The following SLC44A1 variants were observed in gnomAD, a reference collection of about 807,000 sequenced individuals.
The protein encoded by SLC44A1 is solute carrier family 44 member 1, also known as choline transporter-like protein 1.
A neutral mutation model predicts 79.3 loss-of-function variants in SLC44A1; 26 were observed. The ratio of observed to expected loss-of-function variants is 0.33; its 90% CI spans 0.24 to 0.46. The LOEUF (loss-of-function observed/expected upper bound fraction) is 0.46, where lower values mean the gene tolerates loss of function less well. Among genes scored for constraint, SLC44A1 ranks in the 20% least tolerant of loss-of-function variants. The pLI is 1.00. For synonymous variants in SLC44A1, 263 were observed against 286.2 expected (o/e 0.92, Z 0.82); for missense variants, 688 against 798.1 (o/e 0.86, Z 1.66).
chr9:105,423,769 G>C (rs1465161007), intron 15 of SLC44A1, among the ~76,000 whole-genome samples: 1 of 152,134 alleles, frequency 6.6e-6, no homozygotes, highest in Non-Finnish European at 1.5e-5. Context: ...GTCATTTTGA[G>C]TCTTGCCATT....
At chr9:105,373,602 G>A (rs1828182566) in intron 12 of SLC44A1, among the ~76,000 whole-genome samples, 1 of 152,028 alleles carries the variant, frequency 6.6e-6, no homozygotes. Flanking sequence ...GGGATTCTTA[G>A]CAATTTATTA....
At chr9:105,303,092 C>T (rs1404049497) in intron 2 of SLC44A1, among the ~76,000 whole-genome samples, 1 of 152,172 alleles carries the variant, frequency 6.6e-6, no homozygotes, top group Non-Finnish European at 1.5e-5. Flanking sequence ...ATAGGTTTCT[C>T]AGCTCAAATC....
chr9:105,400,487 C>A (rs199799421), downstream of SLC44A1, among the ~76,000 whole-genome samples: 23 of 148,754 alleles, frequency 1.5e-4, no homozygotes, highest in Admixed American at 3.3e-4. Context: ...GACGCCATCT[C>A]AAAAAAAGAA....
At chr9:105,328,059 T>C (rs988135048) in intron 3 of SLC44A1, among the ~76,000 whole-genome samples, 57 of 152,314 alleles carry the variant, frequency 3.7e-4, no homozygotes, top group African/African-American at 1.3e-3. Context: ...TTACCTTCAC[T>C]CCCCTCTGGC....
intron 1 of SLC44A1, among the ~76,000 whole-genome samples, chr9:105,295,736 G>A (rs531462645): frequency 6.6e-6 from 1 of 152,216 alleles, no homozygotes; most frequent in South Asian, 2.1e-4. Context: ...AATAGGCTTT[G>A]GAGTCACAGA....
chr9:105,287,689 T>A, intron 1 of SLC44A1, among the ~76,000 whole-genome samples: 1 of 138,230 alleles, frequency 7.2e-6, no homozygotes, highest in African/African-American at 3.4e-5. Context: ...TCAGTTCAGC[T>A]GATCATCTAC....
intron 15 of SLC44A1, among the ~76,000 whole-genome samples, chr9:105,428,536 GCC>G (rs1481677105): frequency 6.6e-6 from 1 of 152,188 alleles, no homozygotes; most frequent in Non-Finnish European, 1.5e-5. Context: ...AAGTTACTTA[GCC>G]CATCTAATTC....
intron 15 of SLC44A1, among the ~76,000 whole-genome samples, chr9:105,417,109 C>T (rs933784081): frequency 6.6e-6 from 1 of 152,208 alleles, no homozygotes; most frequent in African/African-American, 2.4e-5. Flanking sequence ...GCCTCCTCTC[C>T]TTGTCCTAAC....
chr9:105,433,113 T>C (rs1829418872), intron 15 of SLC44A1, among the ~76,000 whole-genome samples: 1 of 152,038 alleles, frequency 6.6e-6, no homozygotes, highest in Admixed American at 6.6e-5. Context: ...CTGGCCAACA[T>C]GGAGAAACCC....
chr9:105,416,545 A>G (rs924409403), intron 15 of SLC44A1, among the ~76,000 whole-genome samples: 6 of 152,192 alleles, frequency 3.9e-5, no homozygotes, highest in Non-Finnish European at 8.8e-5. Context: ...TGATCTTCCA[A>G]ATCCTCCACA....
chr9:105,364,463 T>C, intron 9 of SLC44A1, 92 bp from the exon 10 acceptor site: 1 of 990,588 alleles, frequency 1.0e-6, no homozygotes, highest in Non-Finnish European at 1.5e-6. Context: ...GTTTGTGGCT[T>C]GGGGTAGGGA....
intron 3 of SLC44A1, among the ~76,000 whole-genome samples, chr9:105,315,877 C>A (rs1041970248): frequency 6.6e-6 from 1 of 152,152 alleles, no homozygotes; most frequent in Non-Finnish European, 1.5e-5. Flanking sequence ...AATCATATTG[C>A]TGTTTACTGA....
At chr9:105,379,665 G>A (rs1297258121) in intron 13 of SLC44A1, among the ~76,000 whole-genome samples, 1 of 152,154 alleles carries the variant, frequency 6.6e-6, no homozygotes, top group Non-Finnish European at 1.5e-5. Context: ...AATTAGATTT[G>A]TAAGGGACCT....
In SLC44A1 at chr9:105,250,872, GT is replaced by G. The variant is rs951324299; in HGVS notation, c.36+5977del. The stretch of plus-strand genomic sequence containing the variant: ...GACTGCGGGCTGGGCATCAAAAAAA[GT>G]TTTTTTTTCTGTTTTATAAGTGCTT... On this transcript the variant is annotated intron_variant, in intron 1 of 15. Coordinates refer to ENST00000374720, the MANE Select transcript of SLC44A1 (RefSeq NM_080546.5). Among the ~76,000 whole-genome samples, 348 of 151,398 alleles carry G rather than the reference GT, an allele frequency of 2.3e-3. No homozygotes were observed. In the Middle Eastern group the frequency reaches 0.024, roughly 10 times the overall value.
intron 3 of SLC44A1, among the ~76,000 whole-genome samples, chr9:105,311,748 G>C (rs1291438197): frequency 1.3e-5 from 2 of 152,072 alleles, no homozygotes; most frequent in African/African-American, 4.8e-5. Context: ...TTCTCTTACT[G>C]TATGACCTTT....
At chr9:105,326,258 A>G (rs979189071) in intron 3 of SLC44A1, among the ~76,000 whole-genome samples, 1 of 151,994 alleles carries the variant, frequency 6.6e-6, no homozygotes, top group Non-Finnish European at 1.5e-5. Context: ...TTTTGTAGGG[A>G]TGGGGTCTGG....
At chr9:105,293,449 C>T (rs897042065) in intron 1 of SLC44A1, among the ~76,000 whole-genome samples, 2 of 152,146 alleles carry the variant, frequency 1.3e-5, no homozygotes, top group African/African-American at 4.8e-5. Context: ...GGTTTTGGAC[C>T]CTACCTGCCT....
intron 7 of SLC44A1, 45 bp from the exon 8 acceptor site, chr9:105,361,146 T>C (rs753537516): frequency 6.3e-7 from 1 of 1,590,196 alleles, no homozygotes; most frequent in South Asian, 1.1e-5. Context: ...TTACACATTT[T>C]CTTATCCTAA....
chr9:105,417,921 GCAGGAGTTTTGCTTGAGCC>G (rs1829193458), intron 15 of SLC44A1, among the ~76,000 whole-genome samples: 1 of 151,196 alleles, frequency 6.6e-6, no homozygotes, highest in African/African-American at 2.5e-5. Context: ...GAGGACTGAG[GCAGGAGTTTTGCTTGAGCC>G]CAGGAGTTTG....
Sources: gnomAD v4.1 joint callset for allele counts (sites outside exome capture counted in the v4.1 genomes callset) on GRCh38, gnomAD v4.1.1 for gene constraint, MANE v1.5 for transcripts, NCBI Gene and HGNC (gene_info 2026-07-23, HGNC 2026-07-21) for gene names.